Variants in MAGI2 observed in about 807,000 individuals in gnomAD.
MAGI2 encodes the protein membrane associated guanylate kinase, WW and PDZ domain containing 2, also known as membrane-associated guanylate kinase, WW and PDZ domain-containing protein 2.
In MAGI2, 35 loss-of-function variants were observed where a neutral mutation model predicts 133.3. The ratio of observed to expected loss-of-function variants is 0.26; its 90% CI spans 0.20 to 0.35. The LOEUF is 0.35. Ranked by LOEUF, MAGI2 falls within the 10% of genes least tolerant of loss-of-function variation. MAGI2 has a pLI of 1.00. For synonymous variants in MAGI2, 729 were observed against 710.6 expected, an observed-to-expected ratio of 1.03 and a Z score of -0.41; for missense variants, 1,636 against 1,863.4, an observed-to-expected ratio of 0.88 and a Z score of 2.25.
At chr7:79,279,309 A>C (rs1248433873) in intron 1 of MAGI2, among the ~76,000 whole-genome samples, 1 of 151,580 alleles carries the variant, frequency 6.6e-6, no homozygotes, top group African/African-American at 2.4e-5. Context: ...CTGCCAACCC[A>C]CTCCTTTCTG....
intron 2 of MAGI2, among the ~76,000 whole-genome samples, chr7:78,863,220 C>T (rs1273568228): frequency 6.6e-6 from 1 of 152,190 alleles, no homozygotes; most frequent in East Asian, 1.9e-4. Flanking sequence ...CTCCTGGCTT[C>T]TATTCCCCAG....
intron 6 of MAGI2, among the ~76,000 whole-genome samples, chr7:78,482,210 C>G (rs6947959): frequency 0.065 from 9,809 of 151,904 alleles, 774 homozygotes; most frequent in African/African-American, 0.19. Context: ...TCTCTACACA[C>G]CTGTCAGAAT....
In MAGI2 at chr7:78,680,309, T is replaced by C. The variant is rs4270896; in HGVS notation, c.419-53070A>G. Reference sequence around the variant, plus strand: ...ATTATTTGGGTATATAAAGCATGTATTGAAATGGAGTATAATGAGTTATCA... The same window carrying C: ...ATTATTTGGGTATATAAAGCATGTACTGAAATGGAGTATAATGAGTTATCA... On this transcript the variant is annotated intron_variant, in intron 2 of 21. Transcript: ENST00000354212. Among the ~76,000 whole-genome samples the C allele has an allele frequency of 5.2e-3, 796 of 152,284 alleles. 15 individuals are homozygous for C. The highest frequency in any genetic ancestry group is 0.018 in the African/African-American group (749 of 41,580).
At chr7:79,068,693 T>C (rs1814633043) in intron 1 of MAGI2, among the ~76,000 whole-genome samples, 1 of 152,202 alleles carries the variant, frequency 6.6e-6, no homozygotes, top group East Asian at 1.9e-4. Flanking sequence ...GGTGTCGATT[T>C]TAGATCTTTC....
intron 1 of MAGI2, among the ~76,000 whole-genome samples, chr7:79,376,641 G>A (rs553283357): frequency 3.3e-5 from 5 of 152,010 alleles, no homozygotes; most frequent in African/African-American, 1.2e-4. Context: ...CACAACCTAG[G>A]TGGAACAGAG....
At chr7:78,787,553 G>A (rs540839189) in intron 2 of MAGI2, among the ~76,000 whole-genome samples, 86 of 152,282 alleles carry the variant, frequency 5.6e-4, no homozygotes, top group Non-Finnish European at 1.1e-3. Context: ...TTCGAGTTTA[G>A]CCAGGATGAA....
At chr7:79,298,630 A>G (rs533620079) in intron 1 of MAGI2, among the ~76,000 whole-genome samples, 31 of 152,292 alleles carry the variant, frequency 2.0e-4, no homozygotes, top group African/African-American at 7.0e-4. Flanking sequence ...TAGATAATTT[A>G]AGCATGGTCT....
At chr7:78,661,573 C>G (rs77369230) in intron 2 of MAGI2, among the ~76,000 whole-genome samples, 1 of 152,146 alleles carries the variant, frequency 6.6e-6, no homozygotes, top group African/African-American at 2.4e-5. Flanking sequence ...CCATGTCTTT[C>G]GACTTTGATT....
intron 1 of MAGI2, among the ~76,000 whole-genome samples, chr7:79,085,100 A>G (rs768389957): frequency 2.0e-5 from 3 of 151,486 alleles, no homozygotes; most frequent in Non-Finnish European, 4.4e-5. Context: ...TTGAATTTTC[A>G]TTGTGAGTAC....
At chr7:79,180,934 C>G (rs1436338803) in intron 1 of MAGI2, among the ~76,000 whole-genome samples, 1 of 151,934 alleles carries the variant, frequency 6.6e-6, no homozygotes, top group African/African-American at 2.4e-5. Context: ...TCTTTAAGCT[C>G]TAAAATGATC....
chr7:78,763,650 A>T (rs566384986), intron 2 of MAGI2, among the ~76,000 whole-genome samples: 1 of 152,288 alleles, frequency 6.6e-6, no homozygotes, highest in South Asian at 2.1e-4. Context: ...CCTAAGCGAA[A>T]CCCCGCTCTT....
At chr7:79,320,256 A>T (rs895755976) in intron 1 of MAGI2, among the ~76,000 whole-genome samples, 1 of 152,144 alleles carries the variant, frequency 6.6e-6, no homozygotes, top group African/African-American at 2.4e-5. Flanking sequence ...GAATACACAT[A>T]ATTGCTATAT....
Position 78,046,462 on chromosome 7 carries a change from G to A in MAGI2, c.3707-26486C>T, listed in dbSNP as rs114629798. ...AGTATCACACCCAGTGAAAATCTGGGTCATCATCATAGGTGAGACTGCTGA... is the reference window on the plus strand; with the variant it reads ...AGTATCACACCCAGTGAAAATCTGGATCATCATCATAGGTGAGACTGCTGA... On this transcript the variant is annotated intron_variant, in intron 21 of 21. Coordinates refer to ENST00000354212, the MANE Select transcript of MAGI2 (RefSeq NM_012301.4). Among the ~76,000 whole-genome samples, 298 of 152,098 alleles carry A rather than the reference G, an allele frequency of 2.0e-3. 1 individual carries two copies. Among genetic ancestry groups the A allele is most frequent in the African/African-American group, 7.0e-3 (289 of 41,498 alleles).
chr7:78,768,055 TG>T (rs1825206831), intron 2 of MAGI2, among the ~76,000 whole-genome samples: 1 of 152,214 alleles, frequency 6.6e-6, no homozygotes, highest in Admixed American at 6.5e-5. Context: ...ATTCCATTGG[TG>T]GGAAGTTTCT....
At chr7:78,736,424 A>G (rs1044755427) in intron 2 of MAGI2, among the ~76,000 whole-genome samples, 7 of 152,226 alleles carry the variant, frequency 4.6e-5, no homozygotes, top group South Asian at 4.1e-4. Flanking sequence ...TTACATTTTT[A>G]AGAACCATAC....
chr7:78,898,230 G>A (rs1391208647), intron 2 of MAGI2, among the ~76,000 whole-genome samples: 1 of 151,748 alleles, frequency 6.6e-6, no homozygotes, highest in African/African-American at 2.4e-5. Context: ...TATATACACT[G>A]TTTGCAGGAG....
intron 1 of MAGI2, chr7:79,409,858 T>C (rs1846036394): frequency 1.3e-5 from 2 of 152,124 alleles, no homozygotes; most frequent in Admixed American, 1.3e-4. Context: ...GTATTTTTTC[T>C]TATGAAAACA....
At chr7:78,427,136 G>C (rs1218364292) in intron 6 of MAGI2, among the ~76,000 whole-genome samples, 1 of 151,878 alleles carries the variant, frequency 6.6e-6, no homozygotes, top group East Asian at 1.9e-4. Flanking sequence ...AATTCAATTA[G>C]AAGAGGAATT....
At chr7:78,544,877 C>T (rs1205063975) in intron 3 of MAGI2, among the ~76,000 whole-genome samples, 1 of 151,558 alleles carries the variant, frequency 6.6e-6, no homozygotes, top group African/African-American at 2.4e-5. Context: ...ACAACAGCAA[C>T]AAAAAACCTG....
Sources: gnomAD v4.1 joint callset for allele counts (sites outside exome capture counted in the v4.1 genomes callset) on GRCh38, gnomAD v4.1.1 for gene constraint, MANE v1.5 for transcripts, NCBI Gene and HGNC (gene_info 2026-07-23, HGNC 2026-07-21) for gene names.